SLC24A2: variants seen among roughly 807,000 people sequenced by gnomAD.
SLC24A2 encodes solute carrier family 24 member 2.
Under a neutral mutation model 62.0 loss-of-function variants are expected in SLC24A2, and 36 were observed. The observed-to-expected ratio is 0.58, with a 90% CI of 0.44 to 0.77. The LOEUF (loss-of-function observed/expected upper bound fraction) is 0.77, where lower values mean the gene tolerates loss of function less well. SLC24A2 is among the 30% of genes least tolerant of loss of function. The pLI is 0.00. For missense variants in SLC24A2, 846 were observed against 817.9 expected, an observed-to-expected ratio of 1.03 and a Z score of -0.42; for synonymous variants, 358 against 294.0, an observed-to-expected ratio of 1.22 and a Z score of -2.23.
At chr9:20,038,624 GAAAC>G in the SLC24A2 span, among the ~76,000 whole-genome samples, 2 of 26,556 alleles carry the variant, frequency 7.5e-5, no homozygotes, top group African/African-American at 1.6e-4. Context: ...GTCAGTAAAA[GAAAC>G]AAACAAAAAA....
At chr9:20,087,598 A>G in the SLC24A2 span, among the ~76,000 whole-genome samples, 2 of 152,238 alleles carry the variant, frequency 1.3e-5, no homozygotes, top group Non-Finnish European at 2.9e-5. Context: ...CAAAAATTAT[A>G]TAAAATTAAC....
chr9:19,740,790 C>T (rs10757087), intron 2 of SLC24A2, among the ~76,000 whole-genome samples: 38,732 of 151,352 alleles, frequency 0.26, 8,332 homozygotes, highest in East Asian at 0.62. Context: ...ATTGTTATTG[C>T]TGGGTTACGG....
the SLC24A2 span, among the ~76,000 whole-genome samples, chr9:19,854,415 T>C: frequency 6.6e-6 from 1 of 152,202 alleles, no homozygotes; most frequent in Non-Finnish European, 1.5e-5. Flanking sequence ...TTTCTGGCTT[T>C]TTTTACATGA....
At chr9:19,719,510 G>C (rs1820961911) in intron 2 of SLC24A2, among the ~76,000 whole-genome samples, 2 of 152,306 alleles carry the variant, frequency 1.3e-5, no homozygotes, top group Non-Finnish European at 2.9e-5. Flanking sequence ...GCTGAGAAAT[G>C]AGAGGAACTG....
chr9:19,835,442 C>G, the SLC24A2 span, among the ~76,000 whole-genome samples: 1 of 152,186 alleles, frequency 6.6e-6, no homozygotes, highest in Non-Finnish European at 1.5e-5. Flanking sequence ...TTGGATAAAA[C>G]AGACTTTAAA....
At chr9:20,152,857 G>A in the SLC24A2 span, among the ~76,000 whole-genome samples, 1 of 151,784 alleles carries the variant, frequency 6.6e-6, no homozygotes, top group African/African-American at 2.4e-5. Flanking sequence ...TCTGAGAATG[G>A]GCACATTAAG....
the SLC24A2 span, among the ~76,000 whole-genome samples, chr9:20,251,082 A>C: frequency 6.6e-6 from 1 of 152,234 alleles, no homozygotes; most frequent in Non-Finnish European, 1.5e-5. Flanking sequence ...ATAGAGAAGA[A>C]GGCAGTGAAA....
intron 2 of SLC24A2, among the ~76,000 whole-genome samples, chr9:19,683,479 G>T (rs1345920936): frequency 2.0e-5 from 3 of 151,932 alleles, no homozygotes; most frequent in Non-Finnish European, 4.4e-5. Context: ...CCTAGCCATT[G>T]TGATCAGGTG....
the SLC24A2 span, among the ~76,000 whole-genome samples, chr9:20,019,289 A>AAGAAAGAAAGAAAGAAAGAAAGAC: frequency 1.3e-5 from 2 of 150,266 alleles, no homozygotes; most frequent in Non-Finnish European, 2.9e-5. Flanking sequence ...GAAAGAAAGA[A>AAGAAAGAAAGAAAGAAAGAAAGAC]AGAAAGAAAG....
At chr9:19,669,692 C>G (rs1300926914) in intron 2 of SLC24A2, among the ~76,000 whole-genome samples, 1 of 152,170 alleles carries the variant, frequency 6.6e-6, no homozygotes, top group Non-Finnish European at 1.5e-5. Flanking sequence ...AAACCAGCAA[C>G]AGCAAGTTGA....
chr9:20,216,112 T>C, the SLC24A2 span, among the ~76,000 whole-genome samples: 1 of 151,866 alleles, frequency 6.6e-6, no homozygotes, highest in Non-Finnish European at 1.5e-5. Context: ...GGTTTTTTTC[T>C]CCTTCTCTAT....
At chr9:20,012,332 CT>C in the SLC24A2 span, among the ~76,000 whole-genome samples, 1 of 152,152 alleles carries the variant, frequency 6.6e-6, no homozygotes, top group Non-Finnish European at 1.5e-5. Flanking sequence ...GGAAACTCCC[CT>C]TTTTAAACCA....
At chr9:19,560,739 T>C (rs1038585624) in intron 7 of SLC24A2, among the ~76,000 whole-genome samples, 1 of 152,230 alleles carries the variant, frequency 6.6e-6, no homozygotes, top group Non-Finnish European at 1.5e-5. Context: ...GTCTCATTTT[T>C]GAATAGATCT....
the SLC24A2 span, among the ~76,000 whole-genome samples, chr9:20,163,228 A>G: frequency 6.6e-6 from 1 of 152,160 alleles, no homozygotes; most frequent in Non-Finnish European, 1.5e-5. Flanking sequence ...ATATCTAGAA[A>G]ACCCCATCGT....
the SLC24A2 span, among the ~76,000 whole-genome samples, chr9:19,956,368 T>C: frequency 6.6e-6 from 1 of 152,228 alleles, no homozygotes; most frequent in Admixed American, 6.5e-5. Flanking sequence ...AGCAAAATAT[T>C]TGTGTCCCCC....
intron 2 of SLC24A2, among the ~76,000 whole-genome samples, chr9:19,693,730 G>A (rs761323763): frequency 4.6e-5 from 7 of 152,114 alleles, no homozygotes; most frequent in Non-Finnish European, 1.0e-4. Flanking sequence ...ACAGAAGACA[G>A]TGTTGGGAAA....
the SLC24A2 span, among the ~76,000 whole-genome samples, chr9:19,980,276 C>T: frequency 1.3e-5 from 2 of 152,152 alleles, no homozygotes; most frequent in Non-Finnish European, 2.9e-5. Context: ...TAACAAGCTC[C>T]AGTTAACGCT....
At chr9:19,578,943 C>A (rs1163332224) in intron 5 of SLC24A2, among the ~76,000 whole-genome samples, 1 of 152,192 alleles carries the variant, frequency 6.6e-6, no homozygotes, top group Non-Finnish European at 1.5e-5. Flanking sequence ...ATGTGCACCA[C>A]TGAGTACACT....
intron 5 of SLC24A2, among the ~76,000 whole-genome samples, chr9:19,595,830 A>G (rs1478321406): frequency 6.6e-6 from 1 of 152,170 alleles, no homozygotes; most frequent in Non-Finnish European, 1.5e-5. Context: ...GGTCAGGTGG[A>G]TGCTAACAAA....
Sources: gnomAD v4.1 joint callset for allele counts (sites outside exome capture counted in the v4.1 genomes callset) on GRCh38, gnomAD v4.1.1 for gene constraint, MANE v1.5 for transcripts, NCBI Gene and HGNC (gene_info 2026-07-23, HGNC 2026-07-21) for gene names.